The following CCDC141 variants were observed in gnomAD, a reference collection of about 807,000 sequenced individuals.
CCDC141 encodes coiled-coil domain containing 141, also known as coiled-coil domain-containing protein 141.
Under a neutral mutation model 181.0 loss-of-function variants are expected in CCDC141, and 168 were observed. The ratio of observed to expected loss-of-function variants is 0.93; its 90% CI spans 0.82 to 1.05. CCDC141 has a LOEUF of 1.05. CCDC141 is among the 50% of genes least tolerant of loss of function. The probability of loss-of-function intolerance (pLI) is 0.00; values close to 1 mark genes in which losing one functional copy is unlikely to be tolerated. For synonymous variants in CCDC141, 666 were observed against 642.3 expected (o/e 1.04, Z -0.56); for missense variants, 1,902 against 1,788.5 (o/e 1.06, Z -1.14).
At chr2:178,863,919 C>G (rs145278010) in intron 17 of CCDC141, among the ~76,000 whole-genome samples, 1 of 152,286 alleles carries the variant, frequency 6.6e-6, no homozygotes, top group Non-Finnish European at 1.5e-5. Flanking sequence ...CTGGGGCGTA[C>G]CTACTATTGA....
intron 5 of CCDC141, among the ~76,000 whole-genome samples, chr2:178,944,978 A>G (rs1476791733): frequency 1.3e-5 from 2 of 152,188 alleles, no homozygotes; most frequent in Non-Finnish European, 2.9e-5. Flanking sequence ...CATTTAAAAT[A>G]TATCTTCTTT....
intron 2 of CCDC141, among the ~76,000 whole-genome samples, chr2:178,990,508 A>AAG (rs375327814): frequency 2.0e-5 from 3 of 147,850 alleles, no homozygotes; most frequent in Non-Finnish European, 3.0e-5. Flanking sequence ...CATAGTACAA[A>AAG]AGAGAGAGAG....
intron 4 of CCDC141, among the ~76,000 whole-genome samples, chr2:178,969,104 C>CA (rs55999054): frequency 0.039 from 2,000 of 51,206 alleles, 276 homozygotes; most frequent in Middle Eastern, 0.094. Flanking sequence ...GCTTACCAAC[C>CA]AAAAAAAAAA....
At chr2:178,904,752 C>A (rs1269600364) in intron 8 of CCDC141, among the ~76,000 whole-genome samples, 1 of 152,014 alleles carries the variant, frequency 6.6e-6, no homozygotes, top group Non-Finnish European at 1.5e-5. Context: ...CTCTTCATGC[C>A]CACTAAGCTC....
In CCDC141 at chr2:178,878,701, T is replaced by A. The variant is rs142061453; in HGVS notation, c.1720-558A>T. Among the ~76,000 whole-genome samples the A allele has an allele frequency of 7.0e-4, 107 of 152,272 alleles. No individual in the cohort carries two copies. In the East Asian group the frequency reaches 0.019, roughly 27 times the overall value. On this transcript the variant is annotated intron_variant, in intron 11 of 23. Coordinates refer to ENST00000443758, the MANE Select transcript of CCDC141 (RefSeq NM_173648.4). ...AAAAATCTATTTGGATTGTTGATTG[T>A]TTGGGTAGAACACTGAGCTGACAGG...
At chr2:178,822,113 T>C in the CCDC141 span, among the ~76,000 whole-genome samples, 6,833 of 152,048 alleles carry the variant, frequency 0.045, 291 homozygotes, top group Admixed American at 0.14. Context: ...TGTAGGGACA[T>C]GGATGAAGCT....
At chr2:178,982,738 G>A (rs908888519) in intron 2 of CCDC141, among the ~76,000 whole-genome samples, 25 of 152,156 alleles carry the variant, frequency 1.6e-4, no homozygotes, top group Admixed American at 2.6e-4. Flanking sequence ...ACTCCCACCC[G>A]AATACTGAGC....
chr2:178,860,074 A>G lies in CCDC141; in HGVS notation c.2725-3677T>C, dbSNP rs908672066. 1.3e-5 allele frequency among the ~76,000 whole-genome samples: 2 copies of G among 152,262 alleles called. 1 individual carries two copies. Among genetic ancestry groups the G allele is most frequent in the Non-Finnish European group, 2.9e-5 (2 of 68,048 alleles). On this transcript the variant is annotated intron_variant, in intron 17 of 23. Coordinates refer to ENST00000443758, the MANE Select transcript of CCDC141 (RefSeq NM_173648.4). ...CACATGTTTGGCCAGAAGCAAAAAT[A>G]TAAAATGACTGGTCAATCTCCACAA...
In CCDC141 at chr2:178,978,480, A is replaced by G. The variant is rs905821886; in HGVS notation, c.417+4T>C. ...GGAAGGGAGAAGTTTTTTAAAGTAC[A>G]AACCTCTAAGGCATTTTCAAAAAAT... On this transcript the variant is annotated splice_donor_region_variant and intron_variant, in intron 3 of 23. Coordinates refer to ENST00000443758, the MANE Select transcript of CCDC141 (RefSeq NM_173648.4). 1.2e-5 allele frequency: 18 copies of G among 1,457,562 alleles called. No individual in the cohort carries two copies. The highest frequency in any genetic ancestry group is 1.4e-5 in the South Asian group (1 of 70,942). The allele number at this position is 1,457,562 out of a possible 1,614,324, so 90.3% of individuals were successfully genotyped here.
chr2:178,912,359 A>C (rs904786508), intron 7 of CCDC141, among the ~76,000 whole-genome samples: 2 of 152,202 alleles, frequency 1.3e-5, no homozygotes, highest in African/African-American at 4.8e-5. Flanking sequence ...GAGTGAGGAC[A>C]ATAAAATTGA....
intron 2 of CCDC141, among the ~76,000 whole-genome samples, chr2:179,024,529 T>C (rs2042778142): frequency 6.6e-6 from 1 of 152,204 alleles, no homozygotes; most frequent in Admixed American, 6.6e-5. Flanking sequence ...TGGTCTGTCA[T>C]GAAACACATA....
rs369058164 is a variant in CCDC141 at position 179,042,357 on chromosome 2, C to A, written c.225+4927G>T. On this transcript the variant is annotated intron_variant, in intron 2 of 23. Transcript: ENST00000443758. ...TAAGGCAGAAATCAATCAAGAAATT[C>A]TTTTTTTTGACAGTCTTGCTCCGTC... 1.6e-3 allele frequency among the ~76,000 whole-genome samples: 249 copies of A among 152,000 alleles called. 1 individual carries two copies. The highest frequency in any genetic ancestry group is 5.7e-3 in the African/African-American group (238 of 41,466).
intron 23 of CCDC141, chr2:178,835,784 T>C (rs1205186497): frequency 1.3e-5 from 2 of 152,552 alleles, no homozygotes; most frequent in Non-Finnish European, 2.9e-5. Flanking sequence ...TGAGATTTAA[T>C]AATGAATTAA....
intron 7 of CCDC141, among the ~76,000 whole-genome samples, chr2:178,909,117 T>C (rs1447066411): frequency 6.6e-6 from 1 of 152,200 alleles, no homozygotes; most frequent in Non-Finnish European, 1.5e-5. Context: ...CATCATTGAA[T>C]GCATGTGAGA....
intron 6 of CCDC141, among the ~76,000 whole-genome samples, chr2:178,922,150 T>C (rs1688720016): frequency 6.6e-6 from 1 of 152,192 alleles, no homozygotes; most frequent in African/African-American, 2.4e-5. Flanking sequence ...GTCTTAACTG[T>C]CTGCAAGATG....
In CCDC141 at chr2:178,981,650, A is replaced by ATATATATATATG. The variant is rs377733700; in HGVS notation, c.226-2976_226-2975insCATATATATATA. On this transcript the variant is annotated intron_variant, in intron 2 of 23. Transcript: ENST00000443758. ...TGTGTGTGTGTGTATATATATATAT[A>ATATATATATATG]TATATATACATACATATATACATAT... is the stretch of plus-strand genomic sequence containing the variant. 4.6e-4 allele frequency among the ~76,000 whole-genome samples: 59 copies of ATATATATATATG among 127,310 alleles called. 1 individual carries two copies. The highest frequency in any genetic ancestry group is 1.3e-3 in the South Asian group (5 of 3,912). The allele number at this position is 127,310 out of a possible 152,430, so 83.5% of individuals were successfully genotyped here.
At chr2:178,881,919 A>ACT (rs1558951525) in intron 11 of CCDC141, among the ~76,000 whole-genome samples, 3 of 95,722 alleles carry the variant, frequency 3.1e-5, no homozygotes, top group African/African-American at 1.5e-4. Context: ...TCTCTCTCAC[A>ACT]CACACACACA....
Position 179,015,101 on chromosome 2 carries a change from TATAATATATATATA to T in CCDC141, c.225+32169_225+32182del, listed in dbSNP as rs2042413956. On this transcript the variant is annotated intron_variant, in intron 2 of 23. Coordinates refer to ENST00000443758, the MANE Select transcript of CCDC141 (RefSeq NM_173648.4). ...ATATATATATATATATATATATATA[TATAATATATATATA>T]ATCATATATATATATCATATCATAT... 1.9e-4 allele frequency among the ~76,000 whole-genome samples: 7 copies of T among 36,458 alleles called. 1 individual carries two copies. The highest frequency in any genetic ancestry group is 9.0e-4 in the East Asian group (1 of 1,110). The allele number at this position is 36,458 out of a possible 152,430, so 23.9% of individuals were successfully genotyped here.
intron 4 of CCDC141, among the ~76,000 whole-genome samples, chr2:178,969,327 A>G (rs1328888005): frequency 6.6e-6 from 1 of 152,110 alleles, no homozygotes; most frequent in Admixed American, 6.6e-5. Flanking sequence ...TTTAGAGCCC[A>G]CAAATGGGAC....
Sources: allele counts gnomAD v4.1 joint callset (sites outside exome capture counted in the v4.1 genomes callset), GRCh38; gene constraint gnomAD v4.1.1; transcripts MANE v1.5; gene names NCBI Gene and HGNC (gene_info 2026-07-23, HGNC 2026-07-21).